RUFY4: variants seen among roughly 807,000 people sequenced by gnomAD.
The protein encoded by RUFY4 is RUN and FYVE domain-containing protein 4.
A neutral mutation model predicts 69.0 loss-of-function variants in RUFY4; 73 were observed. That is an observed-to-expected ratio of 1.06 (90% confidence interval 0.88 to 1.29). RUFY4 has a LOEUF of 1.29. Among genes scored for constraint, RUFY4 ranks in the 50% most tolerant of loss-of-function variants. RUFY4 has a pLI of 0.00. For synonymous variants in RUFY4, 287 were observed against 271.8 expected, an observed-to-expected ratio of 1.06 and a Z score of -0.55; for missense variants, 770 against 705.6, an observed-to-expected ratio of 1.09 and a Z score of -1.03.
At position 218,062,876 on chromosome 2, in the gene RUFY4, A is replaced by G. The variant is rs74615780; in HGVS notation, c.-1071+4195A>G. ...GCAGACACAGCCAGCCTGCACCCCA[A>G]TAAGAGGGAACGGCGGCAGGAAGCA... is the stretch of plus-strand genomic sequence containing the variant. On this transcript the variant is annotated intron_variant and NMD_transcript_variant, in intron 3 of 13. Transcript: ENST00000457754. 6.4e-3 allele frequency among the ~76,000 whole-genome samples: 975 copies of G among 152,320 alleles called. 4 individuals are homozygous for G. Among genetic ancestry groups the G allele is most frequent in the African/African-American group, 0.023 (936 of 41,562 alleles).
intron 2 of RUFY4, among the ~76,000 whole-genome samples, chr2:218,036,271 G>A (rs1476471159): frequency 6.6e-6 from 1 of 152,192 alleles, no homozygotes; most frequent in Non-Finnish European, 1.5e-5. Context: ...TTCCCTTGCT[G>A]TGTGGCCAGA....
At chr2:218,073,004 T>A (rs1689529647) in intron 4 of RUFY4, 119 bp downstream of exon 6, 5 of 979,430 alleles carry the variant, frequency 5.1e-6, no homozygotes, top group Admixed American at 2.9e-5. Context: ...ACAATGAGAG[T>A]CATGAAGGAA....
At chr2:218,078,261 A>T (rs1282098397) in intron 8 of RUFY4, among the ~76,000 whole-genome samples, 1 of 152,238 alleles carries the variant, frequency 6.6e-6, no homozygotes, top group Non-Finnish European at 1.5e-5. Context: ...GGTATTTTAC[A>T]TTTTAATAAG....
intron 3 of RUFY4, chr2:218,059,050 C>A (rs1246497449): frequency 6.6e-6 from 1 of 152,242 alleles, no homozygotes; most frequent in East Asian, 1.9e-4. Context: ...AAGAGATTTA[C>A]TTCTTGTAAA....
intron 8 of RUFY4, among the ~76,000 whole-genome samples, chr2:218,079,775 A>T (rs1689719369): frequency 6.6e-6 from 1 of 152,172 alleles, no homozygotes; most frequent in South Asian, 2.1e-4. Flanking sequence ...AGAAGTGCCG[A>T]GGGACCCATT....
intron 2 of RUFY4, among the ~76,000 whole-genome samples, chr2:218,051,777 G>A (rs1380082046): frequency 6.6e-6 from 1 of 152,128 alleles, no homozygotes; most frequent in African/African-American, 2.4e-5. Flanking sequence ...ATGGCACAGG[G>A]CTGGAGACTG....
At position 218,076,018 on chromosome 2, in the gene RUFY4, G is replaced by A. The variant is rs930763281; in HGVS notation, c.1248+278G>A. 6.6e-5 allele frequency among the ~76,000 whole-genome samples: 10 copies of A among 152,294 alleles called. No individual in the cohort carries two copies. The East Asian group carries it at 1.5e-3, about 24-fold the overall frequency. On this transcript the variant is annotated intron_variant, in intron 7 of 10. Coordinates refer to ENST00000344321, the Ensembl canonical transcript of RUFY4. The stretch of plus-strand genomic sequence containing the variant: ...TGGAGTTTGAGATCCCTTCCCAGCA[G>A]TTCTTCCAGGCAGTCACTTCCTCTC...
rs532479667 is a variant in RUFY4 at position 218,082,092 on chromosome 2, A to C, written c.1356-1018A>C. ...GAGCCAGAGGCTGGGCCCTGGGGCC[A>C]GGTCTTTTTTATTTCCAGTCCAGTG... is the stretch of plus-strand genomic sequence containing the variant. On this transcript the variant is annotated intron_variant, in intron 8 of 10. Coordinates refer to ENST00000344321, the Ensembl canonical transcript of RUFY4. Among the ~76,000 whole-genome samples the C allele has an allele frequency of 5.9e-5, 9 of 152,334 alleles. No individual in the cohort carries two copies. The East Asian group carries it at 1.7e-3, about 29-fold the overall frequency.
chr2:218,035,763 C>T (rs1214382970), intron 2 of RUFY4, among the ~76,000 whole-genome samples: 3 of 152,184 alleles, frequency 2.0e-5, no homozygotes, highest in African/African-American at 7.2e-5. Context: ...AGTATTAAAA[C>T]CAGGCACCCT....
At chr2:218,039,618 A>G (rs1320304308) in intron 2 of RUFY4, among the ~76,000 whole-genome samples, 2 of 152,206 alleles carry the variant, frequency 1.3e-5, no homozygotes, top group African/African-American at 4.8e-5. Flanking sequence ...GGGAACAGAC[A>G]TTAGCTGCTG....
chr2:218,075,843 C>A, intron 7 of RUFY4, 103 bp downstream of exon 9: 1 of 1,182,758 alleles, frequency 8.5e-7, no homozygotes, highest in Non-Finnish European at 1.1e-6. Context: ...TCCCACGGGT[C>A]AATTTTTATT....
chr2:218,058,386 G>A (rs974297226), intron 2 of RUFY4, among the ~76,000 whole-genome samples: 7 of 152,210 alleles, frequency 4.6e-5, no homozygotes, highest in African/African-American at 1.7e-4. Context: ...TATCATGTGG[G>A]TAAGGAAAGA....
intron 2 of RUFY4, among the ~76,000 whole-genome samples, chr2:218,071,239 G>A (rs945591873): frequency 3.9e-5 from 6 of 152,076 alleles, no homozygotes; most frequent in Admixed American, 2.6e-4. Flanking sequence ...TATATGCCTG[G>A]CTTTATGCAA....
chr2:218,065,117 G>A (rs986342134), upstream of RUFY4, among the ~76,000 whole-genome samples: 7 of 152,260 alleles, frequency 4.6e-5, no homozygotes, highest in African/African-American at 1.7e-4. Flanking sequence ...GATGAGAGGG[G>A]CCATTTTCAA....
At chr2:218,079,177 G>A (rs997349632) in intron 8 of RUFY4, among the ~76,000 whole-genome samples, 8 of 152,160 alleles carry the variant, frequency 5.3e-5, no homozygotes, top group African/African-American at 9.7e-5. Flanking sequence ...CTTGATGTGC[G>A]TTTTAAAGGC....
At chr2:218,075,019 G>A (rs986298673) in intron 6 of RUFY4, 74 bp from the exon 9 acceptor site, 57 of 1,403,928 alleles carry the variant, frequency 4.1e-5, no homozygotes, top group Non-Finnish European at 5.3e-5. Context: ...GATTAGCACT[G>A]TGGCCTAATC....
chr2:218,070,021 A>G (rs1320118103), upstream of RUFY4, among the ~76,000 whole-genome samples: 3 of 152,230 alleles, frequency 2.0e-5, no homozygotes, highest in African/African-American at 4.8e-5. Context: ...CAAAGAACAC[A>G]TATTTTCCAT....
intron 2 of RUFY4, among the ~76,000 whole-genome samples, chr2:218,055,394 C>CAAA (rs74531758): frequency 8.7e-6 from 1 of 114,858 alleles, no homozygotes; most frequent in Non-Finnish European, 2.0e-5. Context: ...GACCCTGTCT[C>CAAA]AAAAAAAAAA....
intron 2 of RUFY4, among the ~76,000 whole-genome samples, chr2:218,040,784 A>G (rs939555131): frequency 6.6e-5 from 10 of 152,164 alleles, no homozygotes; most frequent in African/African-American, 2.4e-4. Context: ...TGGACTTATC[A>G]TAGATCCTCA....
Sources: gnomAD v4.1 joint callset for allele counts (sites outside exome capture counted in the v4.1 genomes callset) on GRCh38, gnomAD v4.1.1 for gene constraint, MANE v1.5 for transcripts, NCBI Gene and HGNC (gene_info 2026-07-23, HGNC 2026-07-21) for gene names.